Variants in REPS2 observed in about 807,000 individuals in gnomAD.
REPS2 encodes the protein ralBP1-associated Eps domain-containing protein 2.
A neutral mutation model predicts 53.6 loss-of-function variants in REPS2; 23 were observed. That is an observed-to-expected ratio of 0.43 (90% confidence interval 0.31 to 0.61). REPS2 has a LOEUF of 0.61. REPS2 is among the 20% of genes least tolerant of loss of function. The probability of loss-of-function intolerance (pLI) is 0.11; values close to 1 mark genes in which losing one functional copy is unlikely to be tolerated. For missense variants in REPS2, 446 were observed against 534.9 expected (o/e 0.83, Z 1.64); for synonymous variants, 238 against 218.6 (o/e 1.09, Z -0.78).
At position 17,068,405 on chromosome X, in the gene REPS2, A is replaced by T. The variant is rs1325211874; in HGVS notation, c.1213A>T (p.Thr405Ser). ...QPRDLNRMEK[T>S]SVKDMADLPV... ...CATTTACTTTTCTTTTTCAAAGAAG[A>T]CATCTGTTAAAGACATGGCTGACCT... Residue 405 changes from threonine (T) to serine (S), a missense_variant, in exon 10 of 18, where the codon ACA (threonine) becomes TCA (serine). By Grantham distance (58) the Thr-to-Ser change is moderately conservative. Coordinates refer to ENST00000357277, the MANE Select transcript of REPS2 (RefSeq NM_004726.3). The T allele has an allele frequency of 8.4e-7, 1 of 1,196,437 alleles. No individual in the cohort carries two copies. The highest frequency in any genetic ancestry group is 2.2e-5 in the Admixed American group (1 of 45,703).
chrX:17,052,559 A>G (rs1369716367), intron 7 of REPS2, 114 bp downstream of exon 7: 1 of 503,619 alleles, frequency 2.0e-6, no homozygotes, highest in Non-Finnish European at 3.2e-6. Context: ...TTAACAGACT[A>G]CAGGAGTGAA....
At chrX:16,958,876 AAC>A (rs1438245639) in intron 1 of REPS2, among the ~76,000 whole-genome samples, 1 of 111,666 alleles carries the variant, frequency 9.0e-6, no homozygotes, top group Admixed American at 9.5e-5. Context: ...AGGAGTGGGA[AAC>A]ACTACCCTGG....
intron 2 of REPS2, among the ~76,000 whole-genome samples, chrX:17,010,367 C>T (rs753428186): frequency 2.6e-4 from 29 of 111,513 alleles, no homozygotes; most frequent in African/African-American, 8.5e-4. Flanking sequence ...TAATATCTAC[C>T]CTTTCAGGAT....
chrX:17,154,137 C>A (rs2063593580), downstream of REPS2, among the ~76,000 whole-genome samples: 1 of 111,781 alleles, frequency 8.9e-6, no homozygotes, highest in South Asian at 3.8e-4. Flanking sequence ...AAAGCTGGAA[C>A]TACTGACTAG....
intron 5 of REPS2, among the ~76,000 whole-genome samples, chrX:17,032,078 G>C (rs2061715469): frequency 8.9e-6 from 1 of 111,740 alleles, no homozygotes; most frequent in Non-Finnish European, 1.9e-5. Flanking sequence ...TGAAATACTG[G>C]CACTGGGGAA....
At chrX:17,162,207 C>A in the REPS2 span, among the ~76,000 whole-genome samples, 1 of 112,096 alleles carries the variant, frequency 8.9e-6, no homozygotes, top group Non-Finnish European at 1.9e-5. Flanking sequence ...GGAAATCTCA[C>A]TCACAATGCT....
intron 6 of REPS2, among the ~76,000 whole-genome samples, chrX:17,050,149 T>C (rs111544691): frequency 0.083 from 2,695 of 32,619 alleles, 76 homozygotes; most frequent in East Asian, 0.25. Flanking sequence ...TTCCTTTCTT[T>C]CTTTCTTTCT....
intron 5 of REPS2, among the ~76,000 whole-genome samples, chrX:17,029,892 T>C (rs2061686758): frequency 5.3e-5 from 6 of 112,406 alleles, no homozygotes; most frequent in Admixed American, 4.7e-4. Context: ...CCTTCACCTA[T>C]CTAATCATTA....
the REPS2 span, among the ~76,000 whole-genome samples, chrX:17,189,040 A>G: frequency 8.9e-6 from 1 of 111,867 alleles, no homozygotes; most frequent in African/African-American, 3.2e-5. Context: ...TGACATTAAA[A>G]CCCAGACAAT....
chrX:17,042,829 T>C (rs1300337872), intron 5 of REPS2, among the ~76,000 whole-genome samples: 2 of 111,181 alleles, frequency 1.8e-5, no homozygotes, highest in Admixed American at 9.6e-5. Flanking sequence ...AGGGTCTTGC[T>C]CTATCACCCA....
intron 14 of REPS2, among the ~76,000 whole-genome samples, chrX:17,105,142 C>T (rs2062856927): frequency 9.0e-6 from 1 of 110,802 alleles, no homozygotes; most frequent in African/African-American, 3.3e-5. Flanking sequence ...AATCTGTCTC[C>T]TAAAGGCTCC....
At chrX:17,073,032 A>G (rs774135633) in intron 11 of REPS2, among the ~76,000 whole-genome samples, 16 of 91,030 alleles carry the variant, frequency 1.8e-4, no homozygotes, top group African/African-American at 5.4e-4. Flanking sequence ...GCAGCTGACC[A>G]GTAGTTTGCT....
intron 5 of REPS2, among the ~76,000 whole-genome samples, chrX:17,031,404 T>C (rs920336077): frequency 1.8e-5 from 2 of 112,218 alleles, no homozygotes; most frequent in African/African-American, 6.5e-5. Context: ...GCTTCTCTTC[T>C]AATCTCCATG....
At chrX:17,192,550 G>A in the REPS2 span, among the ~76,000 whole-genome samples, 8 of 111,693 alleles carry the variant, frequency 7.2e-5, no homozygotes, top group African/African-American at 2.6e-4. Context: ...AAAAAAGGGT[G>A]GCCTGGTCCA....
At chrX:17,125,476 A>G (rs1389557960) in intron 14 of REPS2, among the ~76,000 whole-genome samples, 2 of 112,009 alleles carry the variant, frequency 1.8e-5, no homozygotes, top group Non-Finnish European at 3.8e-5. Flanking sequence ...TTGTTAAAAT[A>G]TAAGTTTCTA....
intron 5 of REPS2, among the ~76,000 whole-genome samples, chrX:17,040,064 T>C (rs1198074770): frequency 8.9e-6 from 1 of 112,623 alleles, no homozygotes; most frequent in Non-Finnish European, 1.9e-5. Flanking sequence ...AGTTAGGTAA[T>C]ATGTGGTTAA....
intron 17 of REPS2, among the ~76,000 whole-genome samples, chrX:17,145,085 T>A (rs1405706154): frequency 8.9e-6 from 1 of 112,075 alleles, no homozygotes; most frequent in African/African-American, 3.2e-5. Context: ...CATTTACCAT[T>A]CACCAGTTTG....
Position 17,068,346 on chromosome X carries a change from G to T in REPS2, c.1210-56G>T, listed in dbSNP as rs917394531. ...AAAAATTTTTTTTCATCATATGTGC[G>T]CATCACTTAATTTCTGTTCCAACCA... On this transcript the variant is annotated intron_variant, in intron 9 of 17. Coordinates refer to ENST00000357277, the MANE Select transcript of REPS2 (RefSeq NM_004726.3). 7.0e-6 allele frequency: 7 copies of T among 1,002,332 alleles called. No individual in the cohort carries two copies. The African/African-American group carries it at 9.5e-5, about 14-fold the overall frequency. The allele number at this position is 1,002,332 out of a possible 1,213,427, so 82.6% of individuals were successfully genotyped here.
At chrX:17,191,859 G>A in the REPS2 span, among the ~76,000 whole-genome samples, 1 of 112,079 alleles carries the variant, frequency 8.9e-6, no homozygotes, top group East Asian at 2.8e-4. Flanking sequence ...CGCATCAGTG[G>A]TTGCAGGGTT....
Sources: gnomAD v4.1 joint callset for allele counts (sites outside exome capture counted in the v4.1 genomes callset) on GRCh38, gnomAD v4.1.1 for gene constraint, MANE v1.5 for transcripts, NCBI Gene and HGNC (gene_info 2026-07-23, HGNC 2026-07-21) for gene names.